Variants in COG5 observed in about 807,000 individuals in gnomAD.
The protein encoded by COG5 is conserved oligomeric Golgi complex subunit 5.
A neutral mutation model predicts 110.4 loss-of-function variants in COG5; 86 were observed. The ratio of observed to expected loss-of-function variants is 0.78; its 90% CI spans 0.65 to 0.93. COG5 has a LOEUF of 0.93. Ranked by LOEUF, COG5 falls within the 40% of genes least tolerant of loss-of-function variation. COG5 has a pLI of 0.00. For synonymous variants in COG5, 360 were observed against 334.6 expected, an observed-to-expected ratio of 1.08 and a Z score of -0.83; for missense variants, 1,077 against 987.0, an observed-to-expected ratio of 1.09 and a Z score of -1.22.
At chr7:107,508,939 G>C (rs1431087371) in intron 6 of COG5, among the ~76,000 whole-genome samples, 1 of 152,054 alleles carries the variant, frequency 6.6e-6, no homozygotes, top group Non-Finnish European at 1.5e-5. Context: ...AAGCCACAAA[G>C]ATGGGAAAAA....
At chr7:107,453,497 C>T (rs1274070172) in intron 6 of COG5, among the ~76,000 whole-genome samples, 1 of 152,100 alleles carries the variant, frequency 6.6e-6, no homozygotes, top group African/African-American at 2.4e-5. Context: ...AGCAAATAAA[C>T]AAGTTACTAT....
intron 6 of COG5, among the ~76,000 whole-genome samples, chr7:107,489,410 TATAGTTCACTC>T (rs1458759692): frequency 3.9e-5 from 6 of 152,176 alleles, no homozygotes; most frequent in Middle Eastern, 3.2e-3. Context: ...AAGAAAGCTG[TATAGTTCACTC>T]AGCTTCTGGT....
intron 14 of COG5, among the ~76,000 whole-genome samples, chr7:107,279,728 GT>G (rs1248458771): frequency 1.3e-5 from 2 of 151,774 alleles, no homozygotes; most frequent in Non-Finnish European, 2.9e-5. Context: ...TAAAATGAAA[GT>G]TGAAAAATAA....
At chr7:107,328,734 A>C (rs1197680262) in intron 10 of COG5, among the ~76,000 whole-genome samples, 1 of 152,226 alleles carries the variant, frequency 6.6e-6, no homozygotes, top group Non-Finnish European at 1.5e-5. Context: ...AAGAAATTTC[A>C]CTAGTTAAAA....
At chr7:107,502,866 AT>A (rs1798722161) in intron 6 of COG5, among the ~76,000 whole-genome samples, 1 of 151,788 alleles carries the variant, frequency 6.6e-6, no homozygotes, top group Admixed American at 6.6e-5. Flanking sequence ...GGGATTATTT[AT>A]TTTTCTTGCT....
chr7:107,379,099 A>G (rs1814880245), intron 7 of COG5, among the ~76,000 whole-genome samples: 1 of 152,230 alleles, frequency 6.6e-6, no homozygotes, highest in Admixed American at 6.5e-5. Flanking sequence ...AAGCCAGAAG[A>G]GAGTGGGGGC....
At chr7:107,283,295 TGATACAA>T (rs1562949683) in intron 13 of COG5, among the ~76,000 whole-genome samples, 10 of 152,322 alleles carry the variant, frequency 6.6e-5, no homozygotes, top group Admixed American at 2.0e-4. Context: ...AAATTTACTA[TGATACAA>T]AGAGCTAGGT....
intron 7 of COG5, among the ~76,000 whole-genome samples, chr7:107,399,327 C>G (rs1791255998): frequency 6.6e-6 from 1 of 152,080 alleles, no homozygotes; most frequent in Non-Finnish European, 1.5e-5. Flanking sequence ...TTGGCAGTGA[C>G]CCCACCCAAA....
intron 11 of COG5, among the ~76,000 whole-genome samples, chr7:107,300,842 C>A (rs1224294520): frequency 6.6e-6 from 1 of 151,808 alleles, no homozygotes; most frequent in Non-Finnish European, 1.5e-5. Context: ...GTAAAGAACC[C>A]AGAATAGTCA....
At chr7:107,324,587 G>T in intron 10 of COG5, 66 bp from the exon 11 acceptor site, 1 of 867,906 alleles carries the variant, frequency 1.2e-6, no homozygotes, top group East Asian at 2.6e-5. Context: ...AATCATAATG[G>T]GTAACACGTA....
intron 3 of COG5, among the ~76,000 whole-genome samples, chr7:107,551,170 G>C (rs984794950): frequency 1.3e-5 from 2 of 152,126 alleles, no homozygotes; most frequent in East Asian, 1.9e-4. Context: ...AGCCTCCCAA[G>C]TAGCTGGGAC....
chr7:107,394,566 T>C (rs1015897469), intron 7 of COG5, among the ~76,000 whole-genome samples: 1 of 152,232 alleles, frequency 6.6e-6, no homozygotes, highest in African/African-American at 2.4e-5. Flanking sequence ...GGAACAGAGA[T>C]GTAGCAAGAC....
intron 6 of COG5, among the ~76,000 whole-genome samples, chr7:107,414,916 C>T (rs768790653): frequency 4.0e-5 from 6 of 151,278 alleles, no homozygotes; most frequent in African/African-American, 2.4e-5. Context: ...TTAGTAGAGA[C>T]GGGGTTTCAC....
In COG5 at chr7:107,324,429, A is replaced by G. The variant is rs780226450; in HGVS notation, c.1108+11T>C. ...TTTGAAATTAATTTTCAAAATAAGT[A>G]GTAAACTTACAGTTTGTTGCCATAT... On this transcript the variant is annotated intron_variant, in intron 11 of 21. Transcript: ENST00000297135. The G allele has an allele frequency of 2.1e-5, 31 of 1,480,010 alleles. 1 individual carries two copies. Among genetic ancestry groups the G allele is most frequent in the Middle Eastern group, 1.7e-4 (1 of 5,802 alleles). The allele number at this position is 1,480,010 out of a possible 1,614,324, so 91.7% of individuals were successfully genotyped here. A position where few individuals can be genotyped will look rare whatever the true frequency, so the allele number is the denominator to read the frequency against.
intron 7 of COG5, among the ~76,000 whole-genome samples, chr7:107,396,537 G>T (rs1477769019): frequency 8.8e-6 from 1 of 113,290 alleles, no homozygotes; most frequent in Non-Finnish European, 1.7e-5. Flanking sequence ...GGTGAGGAGT[G>T]GGGGGTGGGA....
At chr7:107,327,482 A>G (rs1012520412) in intron 10 of COG5, among the ~76,000 whole-genome samples, 24 of 152,182 alleles carry the variant, frequency 1.6e-4, no homozygotes, top group Admixed American at 1.5e-3. Flanking sequence ...GCAGGAAAGG[A>G]AACAATCAAT....
At chr7:107,225,900 G>A (rs987170588) in intron 19 of COG5, among the ~76,000 whole-genome samples, 6 of 152,062 alleles carry the variant, frequency 3.9e-5, no homozygotes, top group Admixed American at 6.6e-5. Flanking sequence ...AAAATTTGCC[G>A]GGCATGGTGG....
intron 3 of COG5, among the ~76,000 whole-genome samples, chr7:107,549,933 G>A (rs1056258054): frequency 6.6e-6 from 1 of 151,986 alleles, no homozygotes; most frequent in Non-Finnish European, 1.5e-5. Flanking sequence ...ATATACAGAC[G>A]TATACACATA....
intron 6 of COG5, among the ~76,000 whole-genome samples, chr7:107,453,111 T>G (rs1230189342): frequency 6.6e-6 from 1 of 152,210 alleles, no homozygotes. Flanking sequence ...ACACAGAATG[T>G]AATGAATATT....
Sources: gnomAD v4.1 joint callset for allele counts (sites outside exome capture counted in the v4.1 genomes callset) on GRCh38, gnomAD v4.1.1 for gene constraint, MANE v1.5 for transcripts, NCBI Gene and HGNC (gene_info 2026-07-23, HGNC 2026-07-21) for gene names.